Variants in POM121C observed in about 807,000 individuals in gnomAD.
The protein encoded by POM121C is nuclear envelope pore membrane protein POM 121C.
Under a neutral mutation model 66.4 loss-of-function variants are expected in POM121C, and 20 were observed. The ratio of observed to expected loss-of-function variants is 0.30; its 90% CI spans 0.21 to 0.44. The LOEUF is 0.44. Ranked by LOEUF, POM121C falls within the 20% of genes least tolerant of loss-of-function variation. The pLI, the probability that POM121C is intolerant of heterozygous loss-of-function variation, is 1.00. For missense variants in POM121C, 580 were observed against 1,225.7 expected (o/e 0.47, Z 7.87); for synonymous variants, 286 against 528.0 (o/e 0.54, Z 6.28).
chr7:75,463,387 A>G (rs1161005295), intron 3 of POM121C, among the ~76,000 whole-genome samples: 1 of 151,908 alleles, frequency 6.6e-6, no homozygotes, highest in Non-Finnish European at 1.5e-5. Flanking sequence ...CTAAGCCCTG[A>G]AGGACTGCTC....
In POM121C at chr7:75,441,508, G is replaced by A. The variant is rs782279892; in HGVS notation, c.-12C>T. ...GGGCTACACACCATCCTGGAGTTGCGAGGGGACAGCACAGCCTTCTTGTGA... is the reference window on the plus strand; with the variant it reads ...GGGCTACACACCATCCTGGAGTTGCAAGGGGACAGCACAGCCTTCTTGTGA... On this transcript the variant is annotated 5_prime_UTR_variant, in exon 4 of 15. Transcript: ENST00000615331. The A allele has an allele frequency of 1.7e-5, 28 of 1,613,742 alleles. No individual in the cohort carries two copies. Among genetic ancestry groups the A allele is most frequent in the African/African-American group, 4.0e-5 (3 of 74,896 alleles).
intron 13 of POM121C, chr7:75,419,657 C>G: frequency 5.2e-6 from 3 of 579,666 alleles, no homozygotes; most frequent in Non-Finnish European, 8.9e-6. Context: ...CTAATGGCCA[C>G]GCCAGGGCAG....
intron 3 of POM121C, among the ~76,000 whole-genome samples, chr7:75,444,512 C>T (rs1246365091): frequency 5.2e-5 from 6 of 114,448 alleles, no homozygotes; most frequent in African/African-American, 1.3e-4. Flanking sequence ...ACATAAAAGC[C>T]GTCAGGGTAC....
chr7:75,455,808 GT>G (rs1173583130), intron 3 of POM121C, among the ~76,000 whole-genome samples: 9 of 152,172 alleles, frequency 5.9e-5, no homozygotes, highest in Non-Finnish European at 8.8e-5. Flanking sequence ...TGTGCTGTGT[GT>G]CTATTTCTCC....
chr7:75,456,412 C>A (rs1791213822), intron 3 of POM121C, among the ~76,000 whole-genome samples: 1 of 152,254 alleles, frequency 6.6e-6, no homozygotes, highest in Non-Finnish European at 1.5e-5. Flanking sequence ...CTCCTACATG[C>A]TTGCCACACA....
chr7:75,442,548 G>A (rs1790693964), intron 3 of POM121C: 11 of 1,460,776 alleles, frequency 7.5e-6, no homozygotes, highest in South Asian at 1.4e-5. Context: ...CCCACGGCCA[G>A]CCAGGCCAGC....
intron 7 of POM121C, among the ~76,000 whole-genome samples, chr7:75,436,339 G>A (rs1264959040): frequency 6.6e-6 from 1 of 152,160 alleles, no homozygotes; most frequent in Admixed American, 6.5e-5. Context: ...TGGACTTTGG[G>A]AAGGTGGGCA....
At chr7:75,462,011 T>C (rs368073398) in intron 3 of POM121C, among the ~76,000 whole-genome samples, 5 of 146,254 alleles carry the variant, frequency 3.4e-5, no homozygotes, top group Admixed American at 6.8e-5. Flanking sequence ...AGCAAAACTG[T>C]CTGAATCAAC....
intron 3 of POM121C, among the ~76,000 whole-genome samples, chr7:75,449,888 G>A (rs1554475371): frequency 1.3e-5 from 2 of 152,126 alleles, no homozygotes. Flanking sequence ...GGTGGCAGGT[G>A]CCTGTAATCC....
At chr7:75,431,180 G>C (rs1230691164) in intron 7 of POM121C, among the ~76,000 whole-genome samples, 1 of 151,712 alleles carries the variant, frequency 6.6e-6, no homozygotes, top group Non-Finnish European at 1.5e-5. Context: ...TCAGTAATCA[G>C]GGAAATGCAA....
At chr7:75,475,212 T>C (rs202118911) in intron 1 of POM121C, 24 bp from the exon 2 acceptor site, 9 of 1,103,700 alleles carry the variant, frequency 8.2e-6, no homozygotes, top group South Asian at 1.5e-5. Flanking sequence ...ATGATCAGAA[T>C]TGGGAGATAT....
chr7:75,437,345 G>A lies in POM121C; in HGVS notation c.480+170C>T, dbSNP rs79669894. Among the ~76,000 whole-genome samples the A allele has an allele frequency of 9.2e-5, 14 of 152,214 alleles. No homozygotes were observed. In the East Asian group the frequency reaches 2.5e-3, roughly 27 times the overall value. Reference sequence around the variant, plus strand: ...TTTAAAGATTCTTTTGTACAGACAAGGTCTCACTATATTGCCCAGGCTGGT... The same window carrying A: ...TTTAAAGATTCTTTTGTACAGACAAAGTCTCACTATATTGCCCAGGCTGGT... On this transcript the variant is annotated intron_variant, in intron 7 of 14. Coordinates refer to ENST00000615331, the MANE Select transcript of POM121C (RefSeq NM_001099415.3).
intron 7 of POM121C, among the ~76,000 whole-genome samples, chr7:75,429,913 G>A (rs1473699588): frequency 6.6e-6 from 1 of 151,926 alleles, no homozygotes; most frequent in African/African-American, 2.4e-5. Context: ...GCTGAGGCAG[G>A]AGGATTGCTT....
chr7:75,463,464 T>C (rs1791517149), intron 3 of POM121C, among the ~76,000 whole-genome samples: 1 of 151,148 alleles, frequency 6.6e-6, no homozygotes, highest in African/African-American at 2.4e-5. Flanking sequence ...TTTTTTTTTT[T>C]TTTTTACCTT....
At chr7:75,429,826 A>G (rs587599500) in intron 7 of POM121C, among the ~76,000 whole-genome samples, 1 of 152,104 alleles carries the variant, frequency 6.6e-6, no homozygotes, top group African/African-American at 2.4e-5. Flanking sequence ...CAGCCTAGGC[A>G]ACACAGTGAG....
In POM121C at chr7:75,421,661, G is replaced by A. The variant is rs781851564; in HGVS notation, c.2591C>T (p.Ala864Val). 111 of 1,612,676 alleles carry A rather than the reference G, an allele frequency of 6.9e-5. 1 individual carries two copies. The highest frequency in any genetic ancestry group is 3.3e-5 in the Admixed American group (2 of 59,934). The change falls in exon 13 of 15, where the codon GCT becomes GTT. Residue 864 changes from alanine to valine, a missense_variant. Ala to Val is a moderately conservative substitution (Grantham distance 64). Transcript: ENST00000615331. ...ACTCTGTCCTGCTCCAAAGCTGAAA[G>A]CTCCGGTGGTGGCGCTGGAGCCTGG... Reference protein sequence around the residue: ...ATPGSSATTGAFSFGAGQSGS... With the variant: ...ATPGSSATTGVFSFGAGQSGS...
intron 1 of POM121C, among the ~76,000 whole-genome samples, chr7:75,481,794 C>T (rs1462173089): frequency 6.6e-6 from 1 of 151,934 alleles, no homozygotes. Flanking sequence ...CCAGCCTAGG[C>T]GACAGAGTGA....
chr7:75,435,115 A>T (rs1790352367), intron 7 of POM121C, among the ~76,000 whole-genome samples: 1 of 152,242 alleles, frequency 6.6e-6, no homozygotes, highest in Admixed American at 6.5e-5. Context: ...GAAAGGACAT[A>T]TGAACAAATG....
At chr7:75,421,121 G>A in intron 13 of POM121C, 1 of 335,224 alleles carries the variant, frequency 3.0e-6, no homozygotes, top group Admixed American at 4.6e-5. Context: ...TTACAGGTGG[G>A]TACCACCATG....
Sources: allele counts gnomAD v4.1 joint callset (sites outside exome capture counted in the v4.1 genomes callset), GRCh38; gene constraint gnomAD v4.1.1; transcripts MANE v1.5; gene names NCBI Gene and HGNC (gene_info 2026-07-23, HGNC 2026-07-21).